The following KIF14 variants were observed in gnomAD, a reference collection of about 807,000 sequenced individuals.
KIF14 encodes kinesin family member 14, also known as kinesin-like protein KIF14.
KIF14 carries 98 observed loss-of-function variants against 176.2 expected under a neutral mutation model. The ratio of observed to expected loss-of-function variants is 0.56; its 90% CI spans 0.47 to 0.66. The LOEUF (loss-of-function observed/expected upper bound fraction) is 0.66. KIF14 is among the 30% of genes least tolerant of loss of function. KIF14 has a pLI of 0.00. For synonymous variants in KIF14, 566 were observed against 632.2 expected (o/e 0.90, Z 1.57); for missense variants, 1,751 against 1,920.4 (o/e 0.91, Z 1.65).
At chr1:200,614,528 G>T in intron 3 of KIF14, 123 bp from the exon 4 acceptor site, 1 of 593,280 alleles carries the variant, frequency 1.7e-6, no homozygotes, top group Non-Finnish European at 2.9e-6. Context: ...TTAAGAATCT[G>T]GACTCTGGAG....
chr1:200,575,775 G>A (rs1349988522), intron 21 of KIF14, 84 bp from the exon 22 acceptor site: 21 of 680,734 alleles, frequency 3.1e-5, no homozygotes, highest in Non-Finnish European at 4.4e-5. Context: ...TAAATCCTTT[G>A]TTACATTTAA....
chr1:200,606,739 T>C lies in KIF14; in HGVS notation c.1607+7A>G, dbSNP rs200032403. 1.7e-4 allele frequency: 273 copies of C among 1,612,590 alleles called. 2 individuals are homozygous for C. In the East Asian group the frequency reaches 6.0e-3, roughly 35 times the overall value. On this transcript the variant is annotated splice_region_variant and intron_variant, in intron 6 of 29. Coordinates refer to ENST00000367350, the MANE Select transcript of KIF14 (RefSeq NM_014875.3). The stretch of plus-strand genomic sequence containing the variant: ...TCCTCTTTGCCCTTGCTGAGCCAAA[T>C]ACTTACATTGACAGTGCTTCAACAT...
At chr1:200,610,190 G>A (rs1660081423) in intron 4 of KIF14, among the ~76,000 whole-genome samples, 3 of 152,120 alleles carry the variant, frequency 2.0e-5, no homozygotes, top group Admixed American at 2.0e-4. Context: ...TTGATGTTAT[G>A]TGAATTTGAT....
intron 1 of KIF14, among the ~76,000 whole-genome samples, chr1:200,619,783 C>G (rs974149522): frequency 9.2e-5 from 14 of 152,188 alleles, no homozygotes; most frequent in African/African-American, 3.4e-4. Flanking sequence ...AAAAACCATG[C>G]AAGATTAGAT....
chr1:200,601,618 C>A (rs571924982), intron 11 of KIF14, among the ~76,000 whole-genome samples: 3 of 152,188 alleles, frequency 2.0e-5, no homozygotes, highest in Non-Finnish European at 4.4e-5. Flanking sequence ...TTGCTGCACA[C>A]GTCTATGACT....
chr1:200,585,252 A>AC (rs1286376165), intron 19 of KIF14, among the ~76,000 whole-genome samples: 6 of 151,976 alleles, frequency 3.9e-5, no homozygotes, highest in Non-Finnish European at 8.8e-5. Context: ...AAAAAAAAAA[A>AC]AGAACTAGGT....
chr1:200,577,440 G>A (rs1057194371), intron 21 of KIF14, among the ~76,000 whole-genome samples: 14 of 152,102 alleles, frequency 9.2e-5, no homozygotes, highest in African/African-American at 3.4e-4. Context: ...TTAAAAGCGT[G>A]AGCCACCGTG....
In KIF14 at chr1:200,553,409, G is replaced by A. The variant is rs1468426202; in HGVS notation, c.4926C>T (p.Pro1642=). ...SPAVSSEECT[P]SRIQWV is the part of the protein sequence containing the mutation. Reference sequence around the variant, plus strand: ...GTATTCACACCCACTGAATCCTACTGGGTGTGCATTCCTCTGAGCTCACTG... The same window carrying A: ...GTATTCACACCCACTGAATCCTACTAGGTGTGCATTCCTCTGAGCTCACTG... Residue 1642 remains proline, a synonymous_variant, in exon 30 of 30, where the codon CCC becomes CCT. Transcript: ENST00000367350. 1 of 1,611,694 alleles carries A rather than the reference G, an allele frequency of 6.2e-7. No homozygotes were observed. The highest frequency in any genetic ancestry group is 1.7e-5 in the Admixed American group (1 of 59,630).
rs200891549 is a variant in KIF14 at position 200,553,499 on chromosome 1, C to A, written c.4836G>T (p.Gly1612=). The A allele has an allele frequency of 6.2e-7, 1 of 1,614,000 alleles. No individual in the cohort carries two copies. Among genetic ancestry groups the A allele is most frequent in the East Asian group, 2.2e-5 (1 of 44,848 alleles). ...CACCTTTATTCTTACTGCCGTCAATCCCGCTTGATTTAGATTGTTGGTGTT... is the reference window on the plus strand; with the variant it reads ...CACCTTTATTCTTACTGCCGTCAATACCGCTTGATTTAGATTGTTGGTGTT... ...KEEHQQSKSS[G]IDGSKNKGVP... is the part of the protein sequence containing the mutation. The change falls in exon 30 of 30, where the codon GGG becomes GGT. Residue 1612 remains glycine (G), a synonymous_variant. Coordinates refer to ENST00000367350, the MANE Select transcript of KIF14 (RefSeq NM_014875.3).
At position 200,553,531 on chromosome 1, in the gene KIF14, T is replaced by G. The variant is rs776291323; in HGVS notation, c.4804A>C (p.Lys1602Gln). The G allele has an allele frequency of 3.7e-6, 6 of 1,613,956 alleles. No individual in the cohort carries two copies. Among genetic ancestry groups the G allele is most frequent in the Middle Eastern group, 1.6e-4 (1 of 6,082 alleles). The part of the protein sequence containing the change: ...KPWETYNQNT[K>Q]EEHQQSKSSG... ...GATTTAGATTGTTGGTGTTCTTCTT[T>G]GGTATTTTGATTATAAGTTTCCCAG... The change falls in exon 30 of 30, where the codon AAA becomes CAA. Residue 1602 changes from lysine (K) to glutamine (Q), a missense_variant. By Grantham distance (53) the Lys-to-Gln change is moderately conservative. Transcript: ENST00000367350.
intron 28 of KIF14, among the ~76,000 whole-genome samples, chr1:200,554,827 A>C (rs1365175845): frequency 6.6e-6 from 1 of 152,176 alleles, no homozygotes; most frequent in Non-Finnish European, 1.5e-5. Flanking sequence ...AAAGTCTGTC[A>C]TCCTATTACA....
intron 4 of KIF14, among the ~76,000 whole-genome samples, chr1:200,613,103 G>C (rs11590368): frequency 0.052 from 7,954 of 151,942 alleles, 244 homozygotes; most frequent in Middle Eastern, 0.082. Flanking sequence ...GGCCAGGCTG[G>C]TCTCGAACTC....
chr1:200,614,490 T>C, intron 3 of KIF14, 85 bp from the exon 4 acceptor site: 1 of 777,582 alleles, frequency 1.3e-6, no homozygotes, highest in Non-Finnish European at 2.1e-6. Flanking sequence ...GGGAAGGGAG[T>C]AGGAAGCAAG....
At chr1:200,607,020 A>G (rs1276999537) in intron 5 of KIF14, among the ~76,000 whole-genome samples, 1 of 150,012 alleles carries the variant, frequency 6.7e-6, no homozygotes, top group African/African-American at 2.5e-5. Flanking sequence ...ATGCAACAAT[A>G]TATTGTAGCA....
At chr1:200,589,671 C>CTTTTTTTTT (rs1204882989) in intron 17 of KIF14, among the ~76,000 whole-genome samples, 7 of 76,530 alleles carry the variant, frequency 9.1e-5, no homozygotes, top group Non-Finnish European at 1.4e-4. Flanking sequence ...CAACTTTTTT[C>CTTTTTTTTT]TTTTTTTTTT....
chr1:200,604,383 A>G (rs1025980932), intron 8 of KIF14, among the ~76,000 whole-genome samples: 8 of 152,280 alleles, frequency 5.3e-5, no homozygotes, highest in Middle Eastern at 6.8e-3. Context: ...TCATCCCTTC[A>G]TGAATCTGTG....
At position 200,569,885 on chromosome 1, in the gene KIF14, T is replaced by C. The variant is rs181418548; in HGVS notation, c.3661+26A>G. On this transcript the variant is annotated intron_variant, in intron 23 of 29. Coordinates refer to ENST00000367350, the MANE Select transcript of KIF14 (RefSeq NM_014875.3). ...CCAGGACTCAATGCTTTTCTCGCCATAGAGAAAATGTGAAGAAAAAAATAC... is the reference window on the plus strand; with the variant it reads ...CCAGGACTCAATGCTTTTCTCGCCACAGAGAAAATGTGAAGAAAAAAATAC... The C allele has an allele frequency of 2.3e-4, 296 of 1,288,992 alleles. 1 individual carries two copies. The highest frequency in any genetic ancestry group is 1.3e-3 in the South Asian group (98 of 75,508). 79.8% of individuals were successfully genotyped at this position (1,288,992 alleles called of 1,614,324 possible).
chr1:200,564,217 G>A (rs548474294), intron 25 of KIF14, among the ~76,000 whole-genome samples: 35 of 138,652 alleles, frequency 2.5e-4, no homozygotes, highest in Middle Eastern at 4.3e-3. Context: ...CCAAGATCAC[G>A]CCACTGCACT....
chr1:200,614,252 T>A (rs2808241), intron 4 of KIF14, 66 bp downstream of exon 4: 4 of 837,844 alleles, frequency 4.8e-6, no homozygotes, highest in African/African-American at 3.4e-5. Flanking sequence ...TGGCCATGAC[T>A]GATTTGAACT....
Sources: gnomAD v4.1 joint callset for allele counts (sites outside exome capture counted in the v4.1 genomes callset) on GRCh38, gnomAD v4.1.1 for gene constraint, MANE v1.5 for transcripts, NCBI Gene and HGNC (gene_info 2026-07-23, HGNC 2026-07-21) for gene names.